The following MYOM1 variants were observed in gnomAD, a reference collection of about 807,000 sequenced individuals.
MYOM1 encodes myomesin-1.
A neutral mutation model predicts 205.3 loss-of-function variants in MYOM1; 164 were observed. The ratio of observed to expected loss-of-function variants is 0.80; its 90% confidence interval spans 0.70 to 0.91. The LOEUF is 0.91. Among genes scored for constraint, MYOM1 ranks in the 40% least tolerant of loss-of-function variants. The probability of loss-of-function intolerance (pLI) is 0.00; values close to 1 mark genes in which losing one functional copy is unlikely to be tolerated. For synonymous variants in MYOM1, 772 were observed against 789.4 expected (o/e 0.98, Z 0.37); for missense variants, 2,011 against 2,127.3 (o/e 0.95, Z 1.08).
the MYOM1 span, among the ~76,000 whole-genome samples, chr18:3,232,613 G>C: frequency 6.6e-6 from 1 of 152,110 alleles, no homozygotes; most frequent in Non-Finnish European, 1.5e-5. Context: ...GTAGTTTATT[G>C]TGTTCTAATA....
At chr18:3,198,790 GAAA>G (rs796981410) in intron 2 of MYOM1, among the ~76,000 whole-genome samples, 117 of 95,728 alleles carry the variant, frequency 1.2e-3, no homozygotes, top group African/African-American at 4.3e-3. Context: ...CTCAAAAAAA[GAAA>G]AAAAAAAAAA....
At chr18:3,070,976 C>G (rs985083330) in intron 37 of MYOM1, among the ~76,000 whole-genome samples, 6 of 151,996 alleles carry the variant, frequency 3.9e-5, no homozygotes, top group Admixed American at 6.5e-5. Context: ...CCAGGCTGGT[C>G]TCAAACTCCT....
At chr18:3,085,250 T>C in intron 30 of MYOM1, 118 bp from the exon 31 acceptor site, 1 of 311,170 alleles carries the variant, frequency 3.2e-6, no homozygotes, top group Non-Finnish European at 5.5e-6. Context: ...TTTTTTTTTT[T>C]TTTTTTTTTT....
At chr18:3,101,564 T>C (rs1340085267) in intron 23 of MYOM1, among the ~76,000 whole-genome samples, 4 of 151,974 alleles carry the variant, frequency 2.6e-5, no homozygotes, top group East Asian at 1.9e-4. Flanking sequence ...TACTTCCACA[T>C]AGAGCTTTCT....
Position 3,075,708 on chromosome 18 carries a change from T to C in MYOM1, c.4685+17A>G, listed in dbSNP as rs145195554. 5.1e-4 allele frequency: 811 copies of C among 1,603,070 alleles called. 1 individual carries two copies. In the African/African-American group the frequency reaches 8.1e-3, roughly 16 times the overall value. ...ATTAGTGCATGCAAGTGGCATTTGCTAGGACCAGGGACTTACTTCAACCTC... is the reference window on the plus strand; with the variant it reads ...ATTAGTGCATGCAAGTGGCATTTGCCAGGACCAGGGACTTACTTCAACCTC... On this transcript the variant is annotated intron_variant, in intron 35 of 37. Transcript: ENST00000356443.
rs370829334 is a variant in MYOM1 at position 3,119,917 on chromosome 18, C to A, written c.3070G>T (p.Ala1024Ser). 1.9e-6 allele frequency: 3 copies of A among 1,612,490 alleles called. No individual in the cohort carries two copies. Among genetic ancestry groups the A allele is most frequent in the South Asian group, 1.1e-5 (1 of 90,790 alleles). ...TCACATTTGAAGCATTCGCTTACTG[C>A]GGAGGGCGCGCCCAGCCCAGCCATG... ...MNMAGLGAPS[A>S]VSECFKCEEW... is the part of the protein sequence containing the mutation. Residue 1024 changes from alanine to serine, a missense_variant, in exon 20 of 38, where the codon GCA becomes TCA. Physicochemically the swap from Ala to Ser is moderately conservative, Grantham distance 99. Coordinates refer to ENST00000356443, the MANE Select transcript of MYOM1 (RefSeq NM_003803.4).
chr18:3,099,129 T>C (rs1388028527), intron 25 of MYOM1, among the ~76,000 whole-genome samples: 1 of 152,174 alleles, frequency 6.6e-6, no homozygotes, highest in East Asian at 1.9e-4. Flanking sequence ...AAAGTTGGTT[T>C]TGAGAACATT....
chr18:3,228,775 G>A, the MYOM1 span, among the ~76,000 whole-genome samples: 14 of 152,106 alleles, frequency 9.2e-5, no homozygotes, highest in Admixed American at 7.2e-4. The surrounding 1 kb of genome is among the most constrained non-coding windows in gnomAD (Gnocchi z 4.5). Context: ...GGTCCCGCGC[G>A]TGACCGAGGC....
upstream of MYOM1, among the ~76,000 whole-genome samples, chr18:3,223,467 C>A (rs2081340333): frequency 6.6e-6 from 1 of 152,136 alleles, no homozygotes; most frequent in African/African-American, 2.4e-5. Context: ...ATAGGCAACA[C>A]TAAAATAAGA....
upstream of MYOM1, among the ~76,000 whole-genome samples, chr18:3,223,453 A>G (rs1443288883): frequency 6.6e-6 from 1 of 152,204 alleles, no homozygotes; most frequent in African/African-American, 2.4e-5. Flanking sequence ...GTGTTGACTA[A>G]TTTATAGGCA....
chr18:3,241,818 C>G, the MYOM1 span, among the ~76,000 whole-genome samples: 1 of 152,214 alleles, frequency 6.6e-6, no homozygotes, highest in Non-Finnish European at 1.5e-5. Flanking sequence ...CAGAGCTTCC[C>G]AAGACCGTGG....
intron 5 of MYOM1, 41 bp from the exon 6 acceptor site, chr18:3,176,175 A>G (rs2080637874): frequency 1.7e-6 from 2 of 1,191,988 alleles, no homozygotes; most frequent in Non-Finnish European, 2.5e-6. Flanking sequence ...GTTGAAGTGT[A>G]AACAACTTCA....
the MYOM1 span, among the ~76,000 whole-genome samples, chr18:3,242,192 G>A: frequency 6.6e-6 from 1 of 152,112 alleles, no homozygotes; most frequent in Non-Finnish European, 1.5e-5. Context: ...ATTTAGGAGG[G>A]GCCAGGGTGG....
chr18:3,235,816 C>A, the MYOM1 span, among the ~76,000 whole-genome samples: 27 of 152,196 alleles, frequency 1.8e-4, no homozygotes, highest in Non-Finnish European at 4.0e-4. Flanking sequence ...GTGATGGAGA[C>A]TTAAAATGGA....
chr18:3,244,115 T>C, the MYOM1 span, among the ~76,000 whole-genome samples: 2 of 152,180 alleles, frequency 1.3e-5, no homozygotes, highest in Admixed American at 6.5e-5. Context: ...CTGTGCATAG[T>C]AGGATGTTTC....
chr18:3,241,711 C>T, the MYOM1 span, among the ~76,000 whole-genome samples: 3 of 152,178 alleles, frequency 2.0e-5, no homozygotes, highest in Admixed American at 6.5e-5. Flanking sequence ...ATGGATACAC[C>T]GACAACTTGC....
At chr18:3,235,498 TCACTGAGGA>T in the MYOM1 span, among the ~76,000 whole-genome samples, 1 of 152,244 alleles carries the variant, frequency 6.6e-6, no homozygotes, top group African/African-American at 2.4e-5. Flanking sequence ...GGCTTAGAAG[TCACTGAGGA>T]CACAGTCCCT....
upstream of MYOM1, among the ~76,000 whole-genome samples, chr18:3,220,553 T>G (rs1243621820): frequency 6.6e-6 from 1 of 152,190 alleles, no homozygotes; most frequent in African/African-American, 2.4e-5. Context: ...GTGTTTTATC[T>G]TTCCTAACTC....
chr18:3,105,954 T>C (rs1165533559), intron 22 of MYOM1, among the ~76,000 whole-genome samples: 1 of 152,230 alleles, frequency 6.6e-6, no homozygotes, highest in Admixed American at 6.5e-5. Context: ...TGGTCCTTCA[T>C]ATCTATGGGT....
Sources: allele counts gnomAD v4.1 joint callset (sites outside exome capture counted in the v4.1 genomes callset), GRCh38; gene constraint gnomAD v4.1.1; non-coding constraint Gnocchi (gnomAD v3.1); transcripts MANE v1.5; gene names NCBI Gene and HGNC (gene_info 2026-07-23, HGNC 2026-07-21).